Variants in RCVRN observed in about 807,000 individuals in gnomAD.
RCVRN encodes the protein recoverin.
In RCVRN, 23 loss-of-function variants were observed where a neutral mutation model predicts 20.4. The ratio of observed to expected loss-of-function variants is 1.13; its 90% CI spans 0.81 to 1.60. RCVRN has a LOEUF of 1.60. Among genes scored for constraint, RCVRN ranks in the 40% most tolerant of loss-of-function variants. The pLI, the probability that RCVRN is intolerant of heterozygous loss-of-function variation, is 0.00. For missense variants in RCVRN, 254 were observed against 254.2 expected (o/e 1.00, Z 0.00); for synonymous variants, 105 against 105.9 (o/e 0.99, Z 0.05).
intron 2 of RCVRN, among the ~76,000 whole-genome samples, chr17:9,900,143 A>G (rs992035674): frequency 2.6e-5 from 4 of 152,102 alleles, no homozygotes; most frequent in African/African-American, 9.7e-5. Flanking sequence ...CTGTTTGCCA[A>G]TCCCCACTGC....
At position 9,905,048 on chromosome 17, in the gene RCVRN, T is replaced by G. The variant is rs2067357601; in HGVS notation, c.133A>C (p.Thr45Pro). Residue 45 changes from threonine (T) to proline (P), a missense_variant, in exon 1 of 3, where the codon ACC (threonine) becomes CCC (proline). Transcript: ENST00000226193. ...FLKDCPTGRI[T>P]QQQFQSIYAK... ...TAGATGCTCTGGAACTGCTGCTGGG[T>G]GATGCGGCCGGTGGGACAGTCCTTC... 5 of 1,613,156 alleles carry G rather than the reference T, an allele frequency of 3.1e-6. No individual in the cohort carries two copies. The highest frequency in any genetic ancestry group is 4.2e-6 in the Non-Finnish European group (5 of 1,179,632).
chr17:9,902,240 C>CG lies in RCVRN; in HGVS notation c.382-1141_382-1140insC, dbSNP rs201454679. Reference sequence around the variant, plus strand: ...AGACTTAGTCCCTGTCCCAGGCCACCCAGAGACCCCACAGCCAATCCGAGG... The same window carrying CG: ...AGACTTAGTCCCTGTCCCAGGCCACCGCAGAGACCCCACAGCCAATCCGAGG... On this transcript the variant is annotated intron_variant, in intron 1 of 2. Transcript: ENST00000226193. Among the ~76,000 whole-genome samples, 802 of 152,158 alleles carry CG rather than the reference C, an allele frequency of 5.3e-3. 5 individuals carry two copies. Among genetic ancestry groups the CG allele is most frequent in the African/African-American group, 0.018 (752 of 41,510 alleles).
rs114666164 is a variant in RCVRN, at chr17:9,897,771, C to T, written c.*324G>A. 1,536 of 235,958 alleles carry T rather than the reference C, an allele frequency of 6.5e-3. 8 individuals carry two copies. The highest frequency in any genetic ancestry group is 0.013 in the African/African-American group (583 of 44,512). The allele number at this position is 235,958 out of a possible 1,614,324, so 14.6% of individuals were successfully genotyped here. ...CAGCACTCCACAAAGGAGCTTACAG[C>T]GGGGTGACACTTAGGACTCCTATGG... On this transcript the variant is annotated 3_prime_UTR_variant, in exon 3 of 3. Coordinates refer to ENST00000226193, the MANE Select transcript of RCVRN (RefSeq NM_002903.3).
chr17:9,901,827 A>G (rs545350457), intron 1 of RCVRN, among the ~76,000 whole-genome samples: 1 of 152,334 alleles, frequency 6.6e-6, no homozygotes, highest in South Asian at 2.1e-4. Flanking sequence ...GGGCCCAGGA[A>G]GGTTATATGG....
chr17:9,905,153 A>T lies in RCVRN; in HGVS notation c.28T>A (p.Ser10Thr). 1 of 1,610,084 alleles carries T rather than the reference A, an allele frequency of 6.2e-7. No individual in the cohort carries two copies. The stretch of plus-strand genomic sequence containing the variant: ...TGCAGCTCCTCCAGGATCTCCTTGG[A>T]CAGGGCCCCACTTTTGCTGTTCCCC... MGNSKSGAL[S>T]KEILEELQLN... The change falls in exon 1 of 3, where the codon TCC becomes ACC. Residue 10 changes from serine to threonine, a missense_variant. Physicochemically the swap from Ser to Thr is moderately conservative, Grantham distance 58. Coordinates refer to ENST00000226193, the MANE Select transcript of RCVRN (RefSeq NM_002903.3).
chr17:9,900,519 C>CCTAA (rs1567747247), intron 2 of RCVRN, among the ~76,000 whole-genome samples: 2 of 152,112 alleles, frequency 1.3e-5, no homozygotes, highest in African/African-American at 4.8e-5. Flanking sequence ...TCCTTTCTTT[C>CCTAA]CCTCTCTCCC....
At position 9,904,947 on chromosome 17, in the gene RCVRN, G is replaced by C; in HGVS notation, c.234C>G (p.Asp78Glu). Reference sequence around the variant, plus strand: ...CGTACTCCTTGAAGTCCAGGGTGCCGTCGAGGTTGGAATCGAAGCTGCGGA... The same window carrying C: ...CGTACTCCTTGAAGTCCAGGGTGCCCTCGAGGTTGGAATCGAAGCTGCGGA... ...HVFRSFDSNL[D>E]GTLDFKEYVI... Residue 78 changes from aspartate to glutamate, a missense_variant, in exon 1 of 3, where the codon GAC becomes GAG. Asp to Glu is a conservative substitution (Grantham distance 45). Transcript: ENST00000226193. This position sits in a 1 kb window ranked among gnomAD's most constrained non-coding sequence, Gnocchi z 5.8. The C allele has an allele frequency of 6.2e-7, 1 of 1,614,226 alleles. No individual in the cohort carries two copies. The highest frequency in any genetic ancestry group is 8.5e-7 in the Non-Finnish European group (1 of 1,180,034).
rs1003045879 is a variant in RCVRN, at chr17:9,898,281, A to G, written c.494-77T>C. Reference sequence around the variant, plus strand: ...CCAAGTGAGCTGCGATGAGGCTGACATCTAGCCAGTATCCCCAGTGTGAAT... The same window carrying G: ...CCAAGTGAGCTGCGATGAGGCTGACGTCTAGCCAGTATCCCCAGTGTGAAT... On this transcript the variant is annotated intron_variant, in intron 2 of 2. Transcript: ENST00000226193. 4.7e-6 allele frequency: 4 copies of G among 857,804 alleles called. No homozygotes were observed. In the African/African-American group the frequency reaches 5.0e-5, roughly 11 times the overall value. The allele number at this position is 857,804 out of a possible 1,614,324, so 53.1% of individuals were successfully genotyped here.
At chr17:9,900,169 C>T (rs969743900) in intron 2 of RCVRN, among the ~76,000 whole-genome samples, 2 of 152,118 alleles carry the variant, frequency 1.3e-5, no homozygotes, top group African/African-American at 4.8e-5. Context: ...GATGACTGTC[C>T]ACATAACTCG....
chr17:9,902,946 G>A (rs1013844327), intron 1 of RCVRN, among the ~76,000 whole-genome samples: 2 of 151,992 alleles, frequency 1.3e-5, no homozygotes, highest in Non-Finnish European at 2.9e-5. Context: ...CTGAGATCAC[G>A]CCACTGCACT....
At chr17:9,902,678 C>G (rs1438618129) in intron 1 of RCVRN, among the ~76,000 whole-genome samples, 1 of 152,156 alleles carries the variant, frequency 6.6e-6, no homozygotes, top group Admixed American at 6.5e-5. Flanking sequence ...TTTCCATAAG[C>G]CAGAATTCCA....
rs947611942 is a variant in RCVRN, at chr17:9,899,445, C to T, written c.494-1241G>A. ...CAACACATCACGAACAGGAGTAACA[C>T]GTCGACCTCGGGGCTTCTGACGTCA... On this transcript the variant is annotated intron_variant, in intron 2 of 2. Coordinates refer to ENST00000226193, the MANE Select transcript of RCVRN (RefSeq NM_002903.3). The surrounding 1 kb of genome is among the most constrained non-coding windows in gnomAD (Gnocchi z 4.6). 3.3e-5 allele frequency among the ~76,000 whole-genome samples: 5 copies of T among 152,244 alleles called. No individual in the cohort carries two copies. The highest frequency in any genetic ancestry group is 9.6e-5 in the African/African-American group (4 of 41,460).
intron 2 of RCVRN, among the ~76,000 whole-genome samples, chr17:9,900,263 C>T (rs1368780552): frequency 6.6e-6 from 1 of 152,146 alleles, no homozygotes; most frequent in Non-Finnish European, 1.5e-5. Context: ...TTGTGCTGGC[C>T]GTAAGCATCA....
chr17:9,898,431 T>C (rs1345888650), intron 2 of RCVRN, among the ~76,000 whole-genome samples: 2 of 152,202 alleles, frequency 1.3e-5, no homozygotes, highest in Admixed American at 1.3e-4. Context: ...CAAAGAGCGG[T>C]GAATGACTGG....
rs1161835433 is a variant in RCVRN at position 9,901,032 on chromosome 17, C to A, written c.450G>T (p.Lys150Asn). 2 of 1,610,576 alleles carry A rather than the reference C, an allele frequency of 1.2e-6. No individual in the cohort carries two copies. The highest frequency in any genetic ancestry group is 1.7e-6 in the Non-Finnish European group (2 of 1,177,154). Residue 150 changes from lysine (K) to asparagine (N), a missense_variant, in exon 2 of 3, where the codon AAG becomes AAT. Lys to Asn is a moderately conservative substitution (Grantham distance 94). Coordinates refer to ENST00000226193, the MANE Select transcript of RCVRN (RefSeq NM_002903.3). The stretch of plus-strand genomic sequence containing the variant: ...AGTACTTCCAGATCTTCTCGGCTCG[C>A]TTTTCCGGCGTGTTTTCATCGTCTG... ...LLPDDENTPE[K>N]RAEKIWKYFG... is the part of the protein sequence containing the mutation.
In RCVRN at chr17:9,897,609, A is replaced by C. The variant is rs981315344; in HGVS notation, c.*486T>G. The C allele has an allele frequency of 1.9e-5, 3 of 159,930 alleles. No individual in the cohort carries two copies. The highest frequency in any genetic ancestry group is 4.8e-5 in the African/African-American group (2 of 41,564). The allele number at this position is 159,930 out of a possible 1,614,324, so 9.9% of individuals were successfully genotyped here. A position where few individuals can be genotyped will look rare whatever the true frequency, so the allele number is the denominator to read the frequency against. On this transcript the variant is annotated 3_prime_UTR_variant, in exon 3 of 3. Transcript: ENST00000226193. ...CATTAGACTCATTCCGCACCAAAGC[A>C]GCCCAGCCTAGGGCTGCCATCGCAA...
chr17:9,904,514 CA>C lies in RCVRN; in HGVS notation c.381+285del, dbSNP rs2152055123. 6.6e-6 allele frequency among the ~76,000 whole-genome samples: 1 copy of C among 152,340 alleles called. No individual in the cohort carries two copies. The highest frequency in any genetic ancestry group is 2.1e-4 in the South Asian group (1 of 4,828). ...GCTCCATTACAATCTTATGGGACCA[CA>C]GTGGTCTATATCGTCCGTTGTTGAC... On this transcript the variant is annotated intron_variant, in intron 1 of 2. Transcript: ENST00000226193. This position sits in a 1 kb window ranked among gnomAD's most constrained non-coding sequence, Gnocchi z 5.8.
At position 9,899,927 on chromosome 17, in the gene RCVRN, T is replaced by A; in HGVS notation, c.493+1062A>T. Among the ~76,000 whole-genome samples the A allele has an allele frequency of 6.6e-6, 1 of 152,184 alleles. No homozygotes were observed. Among genetic ancestry groups the A allele is most frequent in the East Asian group, 1.9e-4 (1 of 5,184 alleles). On this transcript the variant is annotated intron_variant, in intron 2 of 2. Transcript: ENST00000226193. This position sits in a 1 kb window ranked among gnomAD's most constrained non-coding sequence, Gnocchi z 4.6. ...TTCTTCTTGAACCTTGGCAGAAGAC[T>A]GCCTCCAGAGGTCACCAAAGGGGTT...
At position 9,898,206 on chromosome 17, in the gene RCVRN, T is replaced by A; in HGVS notation, c.494-2A>T. 6.3e-7 allele frequency: 1 copy of A among 1,591,912 alleles called. No homozygotes were observed. Among genetic ancestry groups the A allele is most frequent in the Non-Finnish European group, 8.6e-7 (1 of 1,159,892 alleles). On this transcript the variant is annotated splice_acceptor_variant, in intron 2 of 2. Transcript: ENST00000226193. LOFTEE classifies it high-confidence loss of function. ...TGAATTCTTTCTCTGTAAGTTTATC[T>A]GTGCATTGGGAAAAAATATATACGT...
Sources: allele counts gnomAD v4.1 joint callset (sites outside exome capture counted in the v4.1 genomes callset), GRCh38; gene constraint gnomAD v4.1.1; non-coding constraint Gnocchi (gnomAD v3.1); transcripts MANE v1.5; gene names NCBI Gene and HGNC (gene_info 2026-07-23, HGNC 2026-07-21).